RBM6: variants seen among roughly 807,000 people sequenced by gnomAD.
RBM6 encodes the protein RNA binding motif protein 6, also known as RNA-binding protein 6.
A neutral mutation model predicts 140.4 loss-of-function variants in RBM6; 23 were observed. The ratio of observed to expected loss-of-function variants is 0.16; its 90% CI spans 0.12 to 0.23. The LOEUF (loss-of-function observed/expected upper bound fraction) is 0.23, where lower values mean the gene tolerates loss of function less well. Ranked by LOEUF, RBM6 falls within the 10% of genes least tolerant of loss-of-function variation. The probability of loss-of-function intolerance (pLI) is 1.00; values close to 1 mark genes in which losing one functional copy is unlikely to be tolerated. For synonymous variants in RBM6, 439 were observed against 475.6 expected (o/e 0.92, Z 1.00); for missense variants, 1,139 against 1,386.7 (o/e 0.82, Z 2.84).
chr3:50,033,065 G>C (rs563440735), intron 6 of RBM6, among the ~76,000 whole-genome samples: 1 of 151,872 alleles, frequency 6.6e-6, no homozygotes. Flanking sequence ...GGGAGGCCAA[G>C]GTGGGCAGAT....
At chr3:50,061,106 A>G in intron 12 of RBM6, 34 bp from the exon 13 acceptor site, 8 of 1,613,786 alleles carry the variant, frequency 5.0e-6, no homozygotes, top group Non-Finnish European at 6.8e-6. Context: ...ACCATTGGAT[A>G]GTTCTGTAAT....
chr3:49,969,519 A>G (rs1461317607), intron 3 of RBM6, among the ~76,000 whole-genome samples: 1 of 147,396 alleles, frequency 6.8e-6, no homozygotes, highest in Non-Finnish European at 1.5e-5. Context: ...TTATATATAT[A>G]TATTTCTTTT....
intron 4 of RBM6, among the ~76,000 whole-genome samples, chr3:49,972,824 G>A (rs1308173187): frequency 1.3e-5 from 2 of 152,056 alleles, no homozygotes; most frequent in Non-Finnish European, 2.9e-5. Context: ...GTACAGGCGG[G>A]GCATGGTAGC....
rs140423996 is a variant in RBM6 at position 49,942,024 on chromosome 3, C to T, written c.-67+1799C>T. Among the ~76,000 whole-genome samples the T allele has an allele frequency of 6.9e-3, 1,039 of 150,160 alleles. 14 individuals carry two copies. The highest frequency in any genetic ancestry group is 0.024 in the African/African-American group (987 of 40,764). On this transcript the variant is annotated intron_variant, in intron 1 of 20. Coordinates refer to ENST00000266022, the MANE Select transcript of RBM6 (RefSeq NM_005777.3). ...GCTGAGATGGAAAAATCGCTTGAGC[C>T]GGGGAGGTAGAGGTTGTAGTAAGGG...
chr3:50,024,495 G>A (rs955413744), intron 6 of RBM6, among the ~76,000 whole-genome samples: 33 of 152,080 alleles, frequency 2.2e-4, no homozygotes, highest in Non-Finnish European at 3.1e-4. Context: ...TTTCTTTTGA[G>A]CCTTATGTAA....
intron 6 of RBM6, among the ~76,000 whole-genome samples, chr3:50,009,237 T>C (rs1467337111): frequency 6.6e-6 from 1 of 152,216 alleles, no homozygotes; most frequent in Non-Finnish European, 1.5e-5. Flanking sequence ...GTCTAAGGAA[T>C]GAGTGCACAA....
chr3:50,010,900 C>A (rs866585726), intron 6 of RBM6, among the ~76,000 whole-genome samples: 158 of 52,230 alleles, frequency 3.0e-3, no homozygotes, highest in Middle Eastern at 0.022. Flanking sequence ...AAGACTGTCT[C>A]AAAAAAAAAA....
rs192365531 is a variant in RBM6, at chr3:49,947,559, T to C, written c.-67+7334T>C. 8.7e-4 allele frequency among the ~76,000 whole-genome samples: 133 copies of C among 152,322 alleles called. 1 individual carries two copies. Among genetic ancestry groups the C allele is most frequent in the Admixed American group, 8.7e-3 (133 of 15,290 alleles). ...TCTCTCTGTGGTTGTCTTTATACTCTGTTGATAGTGTCTTTTGATGCACAG... is the reference window on the plus strand; with the variant it reads ...TCTCTCTGTGGTTGTCTTTATACTCCGTTGATAGTGTCTTTTGATGCACAG... On this transcript the variant is annotated intron_variant, in intron 1 of 20. Coordinates refer to ENST00000266022, the MANE Select transcript of RBM6 (RefSeq NM_005777.3).
intron 8 of RBM6, 21 bp from the exon 9 acceptor site, chr3:50,057,707 T>C: frequency 6.3e-7 from 1 of 1,579,182 alleles, no homozygotes. Flanking sequence ...CTAGAGATTC[T>C]CTTTGTTTCT....
At chr3:50,024,081 T>A (rs1575726066) in intron 6 of RBM6, among the ~76,000 whole-genome samples, 1 of 152,348 alleles carries the variant, frequency 6.6e-6, no homozygotes, top group African/African-American at 2.4e-5. Context: ...TATCCACAGA[T>A]TCAAAAAGTA....
chr3:49,993,558 C>G (rs2085926748), intron 5 of RBM6, among the ~76,000 whole-genome samples: 1 of 152,112 alleles, frequency 6.6e-6, no homozygotes, highest in South Asian at 2.1e-4. Context: ...AGGAGAATTG[C>G]TTGAACCTGG....
At chr3:50,007,973 G>A (rs1253576856) in intron 6 of RBM6, among the ~76,000 whole-genome samples, 1 of 152,188 alleles carries the variant, frequency 6.6e-6, no homozygotes, top group Non-Finnish European at 1.5e-5. Flanking sequence ...GTGCACACCT[G>A]TAGTCCTAGC....
At chr3:49,947,261 AAG>A (rs1491204257) in intron 1 of RBM6, among the ~76,000 whole-genome samples, 50 of 21,460 alleles carry the variant, frequency 2.3e-3, no homozygotes, top group South Asian at 0.016. Flanking sequence ...CAAAAAAAAA[AAG>A]GGGGGGGGGG....
intron 4 of RBM6, among the ~76,000 whole-genome samples, chr3:49,974,631 C>T (rs2084975357): frequency 6.6e-6 from 1 of 150,872 alleles, no homozygotes; most frequent in African/African-American, 2.4e-5. Flanking sequence ...CTCGGCCTCC[C>T]AAAGTGCTGG....
At chr3:50,034,995 C>CCCTCTCTTCT (rs2088432406) in intron 6 of RBM6, among the ~76,000 whole-genome samples, 1 of 126,752 alleles carries the variant, frequency 7.9e-6, no homozygotes, top group African/African-American at 3.0e-5. Context: ...CTCTCCTCTT[C>CCCTCTCTTCT]CCTCTCCTCT....
chr3:49,975,246 A>T (rs2085010720), intron 4 of RBM6, 77 bp from the exon 5 acceptor site: 9 of 1,279,770 alleles, frequency 7.0e-6, no homozygotes, highest in Non-Finnish European at 1.0e-5. Flanking sequence ...ATGTATGATA[A>T]AAACTGTTAG....
At chr3:50,031,091 G>A (rs1462869367) in intron 6 of RBM6, among the ~76,000 whole-genome samples, 1 of 152,220 alleles carries the variant, frequency 6.6e-6, no homozygotes, top group Non-Finnish European at 1.5e-5. Flanking sequence ...AACAGGTGCT[G>A]GAGAGGATGT....
chr3:50,050,228 C>A (rs1039545259), intron 7 of RBM6, among the ~76,000 whole-genome samples: 3 of 152,106 alleles, frequency 2.0e-5, no homozygotes, highest in Non-Finnish European at 2.9e-5. Flanking sequence ...CTTCCCACTT[C>A]TTCTTCCCCC....
chr3:50,021,244 G>A (rs75062543), intron 6 of RBM6, among the ~76,000 whole-genome samples: 1,680 of 152,226 alleles, frequency 0.011, 37 homozygotes, highest in African/African-American at 0.039. Context: ...TTCTATGCAT[G>A]TATCATCTAT....
Sources: gnomAD v4.1 joint callset for allele counts (sites outside exome capture counted in the v4.1 genomes callset) on GRCh38, gnomAD v4.1.1 for gene constraint, MANE v1.5 for transcripts, NCBI Gene and HGNC (gene_info 2026-07-23, HGNC 2026-07-21) for gene names.